Variants in ZFPM2 observed in about 807,000 individuals in gnomAD.
ZFPM2 encodes zinc finger protein ZFPM2.
ZFPM2 carries 20 observed loss-of-function variants against 98.6 expected under a neutral mutation model. That is an observed-to-expected ratio of 0.20 (90% CI 0.14 to 0.29). ZFPM2 has a LOEUF of 0.29. ZFPM2 is among the 10% of genes least tolerant of loss of function. The pLI is 1.00. For synonymous variants in ZFPM2, 518 were observed against 502.7 expected, an observed-to-expected ratio of 1.03 and a Z score of -0.41; for missense variants, 1,310 against 1,388.6, an observed-to-expected ratio of 0.94 and a Z score of 0.90.
chr8:105,607,969 A>G (rs1816229139), intron 4 of ZFPM2, among the ~76,000 whole-genome samples: 1 of 152,148 alleles, frequency 6.6e-6, no homozygotes, highest in Non-Finnish European at 1.5e-5. Context: ...AGATCGGATA[A>G]AGAAAATTTG....
rs1240152037 is a variant in ZFPM2, at chr8:105,801,175, T to A, written c.1093T>A (p.Cys365Ser). ...CCATCTCACTCAAGCTGCCTTCCGA[T>A]GTAATCACTGCCATTTCGGCTTCCA... ...FSHLTQAAFR[C>S]NHCHFGFQTQ... The change falls in exon 8 of 8, where the codon TGT becomes AGT. Residue 365 changes from cysteine to serine, a missense_variant. Transcript: ENST00000407775. 1 of 1,613,956 alleles carries A rather than the reference T, an allele frequency of 6.2e-7. No homozygotes were observed. The highest frequency in any genetic ancestry group is 1.1e-5 in the South Asian group (1 of 91,086).
chr8:105,612,723 C>A (rs935959732), intron 4 of ZFPM2, among the ~76,000 whole-genome samples: 2 of 152,164 alleles, frequency 1.3e-5, no homozygotes, highest in Admixed American at 1.3e-4. Flanking sequence ...AGTCTGTGAA[C>A]TTTTCTGTCT....
chr8:105,351,867 A>G (rs538131488), intron 1 of ZFPM2, among the ~76,000 whole-genome samples: 49 of 152,238 alleles, frequency 3.2e-4, no homozygotes, highest in Non-Finnish European at 2.2e-4. Flanking sequence ...AACTTTCGAT[A>G]TTTAATCAAT....
At chr8:105,524,664 A>G (rs1257720788) in intron 3 of ZFPM2, among the ~76,000 whole-genome samples, 3 of 152,134 alleles carry the variant, frequency 2.0e-5, no homozygotes, top group Non-Finnish European at 2.9e-5. Context: ...TCAGTTTTAG[A>G]TGGTATCTGT....
intron 6 of ZFPM2, among the ~76,000 whole-genome samples, chr8:105,793,683 T>C (rs1813697143): frequency 1.3e-5 from 2 of 152,182 alleles, no homozygotes; most frequent in South Asian, 4.1e-4. Flanking sequence ...CAGAGTGTTT[T>C]CCAACTTGGT....
intron 2 of ZFPM2, among the ~76,000 whole-genome samples, chr8:105,441,420 A>G (rs1376286772): frequency 3.4e-5 from 4 of 118,898 alleles, no homozygotes; most frequent in South Asian, 2.6e-4. Context: ...TCAACAAAAA[A>G]AAAGAAAGAA....
chr8:105,511,667 A>C (rs1241928139), intron 3 of ZFPM2, among the ~76,000 whole-genome samples: 1 of 152,242 alleles, frequency 6.6e-6, no homozygotes, highest in African/African-American at 2.4e-5. Flanking sequence ...GTTTGGTACC[A>C]AAAAGTGAAA....
intron 4 of ZFPM2, among the ~76,000 whole-genome samples, chr8:105,599,123 C>T (rs941540987): frequency 5.3e-5 from 8 of 152,024 alleles, no homozygotes; most frequent in Non-Finnish European, 7.4e-5. Context: ...AGAACTGAAC[C>T]TAAGAAAAAA....
At position 105,758,744 on chromosome 8, in the gene ZFPM2, TAAGAGTGTTATAGA is replaced by T. The variant is rs1340962517; in HGVS notation, c.533-29970_533-29957del. ...CTGAGTTATTCCAATCCACCAAATA[TAAGAGTGTTATAGA>T]AAGCTAGGGCCCTGTTAACTCTGAA... is the stretch of plus-strand genomic sequence containing the variant. On this transcript the variant is annotated intron_variant, in intron 5 of 7. Coordinates refer to ENST00000407775, the MANE Select transcript of ZFPM2 (RefSeq NM_012082.4). 1.3e-5 allele frequency among the ~76,000 whole-genome samples: 2 copies of T among 152,026 alleles called. 1 individual carries two copies. Among genetic ancestry groups the T allele is most frequent in the Admixed American group, 1.3e-4 (2 of 15,250 alleles).
intron 3 of ZFPM2, among the ~76,000 whole-genome samples, chr8:105,531,998 T>G (rs1177814707): frequency 6.6e-6 from 1 of 152,094 alleles, no homozygotes; most frequent in African/African-American, 2.4e-5. Context: ...TCTCCTGGGT[T>G]CAAGCTATCT....
At chr8:105,422,192 C>T (rs1443757324) in intron 2 of ZFPM2, among the ~76,000 whole-genome samples, 1 of 151,874 alleles carries the variant, frequency 6.6e-6, no homozygotes, top group Non-Finnish European at 1.5e-5. Context: ...AATCCAAGCA[C>T]TTTGGGAGGC....
chr8:105,705,989 C>A (rs1357725865), intron 5 of ZFPM2, among the ~76,000 whole-genome samples: 1 of 152,036 alleles, frequency 6.6e-6, no homozygotes, highest in East Asian at 1.9e-4. Flanking sequence ...CTTTCACATG[C>A]ACCATACGAT....
At chr8:105,545,347 GT>G (rs1186805450) in intron 3 of ZFPM2, among the ~76,000 whole-genome samples, 2 of 152,094 alleles carry the variant, frequency 1.3e-5, no homozygotes, top group Admixed American at 6.5e-5. Context: ...CAGAACTTCT[GT>G]TTTTTTGTAG....
chr8:105,322,192 C>T (rs1452269572), intron 1 of ZFPM2, among the ~76,000 whole-genome samples: 1 of 152,124 alleles, frequency 6.6e-6, no homozygotes, highest in Non-Finnish European at 1.5e-5. Flanking sequence ...AGCCTTATCA[C>T]CTCCTGCCAA....
intron 4 of ZFPM2, among the ~76,000 whole-genome samples, chr8:105,621,934 G>A (rs1264486235): frequency 1.3e-5 from 2 of 151,922 alleles, no homozygotes; most frequent in South Asian, 2.1e-4. Flanking sequence ...GTGCCATGTC[G>A]GTGTGCTGCA....
At chr8:105,556,698 C>A (rs1349753014) in intron 3 of ZFPM2, among the ~76,000 whole-genome samples, 1 of 136,712 alleles carries the variant, frequency 7.3e-6, no homozygotes, top group African/African-American at 2.7e-5. Context: ...CCCCCTTCCC[C>A]CTTCCCTTCC....
At chr8:105,791,337 A>G (rs1201689443) in intron 6 of ZFPM2, among the ~76,000 whole-genome samples, 1 of 152,178 alleles carries the variant, frequency 6.6e-6, no homozygotes, top group African/African-American at 2.4e-5. Flanking sequence ...TTCTGCATCT[A>G]TTGAGATAAT....
intron 1 of ZFPM2, among the ~76,000 whole-genome samples, chr8:105,405,326 A>T (rs1216374586): frequency 1.3e-5 from 2 of 151,960 alleles, no homozygotes; most frequent in East Asian, 3.9e-4. Flanking sequence ...CATGTGCACA[A>T]CGTGCAGGTT....
chr8:105,334,118 C>CTGTGTG (rs71305145), intron 1 of ZFPM2, among the ~76,000 whole-genome samples: 2,023 of 120,380 alleles, frequency 0.017, 51 homozygotes, highest in African/African-American at 0.053. Context: ...TAGTAATAAA[C>CTGTGTG]TGTGTGTGTG....
Sources: gnomAD v4.1 joint callset for allele counts (sites outside exome capture counted in the v4.1 genomes callset) on GRCh38, gnomAD v4.1.1 for gene constraint, MANE v1.5 for transcripts, NCBI Gene and HGNC (gene_info 2026-07-23, HGNC 2026-07-21) for gene names.